Variants in TRPC5 observed in about 807,000 individuals in gnomAD.
TRPC5 encodes short transient receptor potential channel 5.
In TRPC5, 9 loss-of-function variants were observed where a neutral mutation model predicts 56.5. The ratio of observed to expected loss-of-function variants is 0.16; its 90% CI spans 0.10 to 0.28. The LOEUF is 0.28. TRPC5 is among the 10% of genes least tolerant of loss of function. TRPC5 has a pLI of 1.00. For missense variants in TRPC5, 469 were observed against 748.9 expected, an observed-to-expected ratio of 0.63 and a Z score of 4.36; for synonymous variants, 282 against 278.5, an observed-to-expected ratio of 1.01 and a Z score of -0.13.
intron 1 of TRPC5, among the ~76,000 whole-genome samples, chrX:112,034,488 G>T (rs2147721585): frequency 9.1e-6 from 1 of 109,559 alleles, no homozygotes. Flanking sequence ...GTTGATTTTT[G>T]TTCTGAAACT....
chrX:111,875,562 T>A (rs923802135), intron 3 of TRPC5, among the ~76,000 whole-genome samples: 8 of 103,076 alleles, frequency 7.8e-5, no homozygotes, highest in Non-Finnish European at 1.3e-4. Flanking sequence ...GATGTTTTTC[T>A]TTTTTCTTTC....
At chrX:112,066,306 T>C (rs1326844452) in intron 1 of TRPC5, among the ~76,000 whole-genome samples, 1 of 111,264 alleles carries the variant, frequency 9.0e-6, no homozygotes, top group Non-Finnish European at 1.9e-5. Flanking sequence ...CATTGAATAC[T>C]CATGAAATCT....
At chrX:111,990,998 C>T (rs1028160778) in intron 1 of TRPC5, among the ~76,000 whole-genome samples, 14 of 112,270 alleles carry the variant, frequency 1.2e-4, no homozygotes, top group Admixed American at 1.2e-3. Flanking sequence ...AAGACCCAGA[C>T]ATCCGATTGC....
intron 2 of TRPC5, among the ~76,000 whole-genome samples, chrX:111,937,939 T>C (rs1355877894): frequency 2.1e-5 from 2 of 97,210 alleles, no homozygotes; most frequent in African/African-American, 7.6e-5. Flanking sequence ...CCTTGGGCAG[T>C]ATGGCCATTT....
chrX:111,837,255 C>T (rs1040778981), intron 6 of TRPC5, among the ~76,000 whole-genome samples: 9 of 110,856 alleles, frequency 8.1e-5, no homozygotes, highest in African/African-American at 2.6e-4. Context: ...TACAATGCAT[C>T]GCAGAACCAG....
chrX:111,792,470 TA>T (rs1946030250), intron 7 of TRPC5, among the ~76,000 whole-genome samples: 1 of 111,195 alleles, frequency 9.0e-6, no homozygotes, highest in Non-Finnish European at 1.9e-5. Flanking sequence ...CTTAAAATTT[TA>T]AAAAATTAAA....
At chrX:111,963,803 C>A (rs773122655) in intron 1 of TRPC5, among the ~76,000 whole-genome samples, 1 of 111,649 alleles carries the variant, frequency 9.0e-6, no homozygotes, top group South Asian at 3.8e-4. Context: ...GAAAGGACAT[C>A]CACACCAAAA....
chrX:112,080,787 C>T (rs1930945434), intron 1 of TRPC5, among the ~76,000 whole-genome samples: 1 of 111,810 alleles, frequency 8.9e-6, no homozygotes, highest in Non-Finnish European at 1.9e-5. Flanking sequence ...AAACCTATGA[C>T]ACCAACAATA....
chrX:111,964,826 A>G (rs990408372), intron 1 of TRPC5, among the ~76,000 whole-genome samples: 1 of 111,846 alleles, frequency 8.9e-6, no homozygotes, highest in Non-Finnish European at 1.9e-5. Flanking sequence ...TGAAGGAAGC[A>G]CTAAACATGG....
rs187869629 is a variant in TRPC5 at position 111,847,466 on chromosome X, G to C, written c.1378-30C>G. The C allele has an allele frequency of 1.2e-4, 135 of 1,152,734 alleles. No homozygotes were observed. In the East Asian group the frequency reaches 4.0e-3, roughly 34 times the overall value. The allele number at this position is 1,152,734 out of a possible 1,213,427, so 95.0% of individuals were successfully genotyped here. A position where few individuals can be genotyped will look rare whatever the true frequency, so the allele number is the denominator to read the frequency against. ...AAGAAACAACAAGTGCACAAGATGA[G>C]GGGTACAGTGAACATTTATAAAACT... On this transcript the variant is annotated intron_variant, in intron 5 of 10. Transcript: ENST00000262839.
chrX:111,940,187 T>C (rs181597296), intron 2 of TRPC5, among the ~76,000 whole-genome samples: 15 of 111,512 alleles, frequency 1.3e-4, no homozygotes, highest in African/African-American at 3.9e-4. Context: ...TTCAGGAGCA[T>C]ATTGTTTACT....
chrX:111,935,555 C>T (rs1926546118), intron 2 of TRPC5, among the ~76,000 whole-genome samples: 1 of 111,767 alleles, frequency 8.9e-6, no homozygotes, highest in South Asian at 3.8e-4. Flanking sequence ...AGACCAATGT[C>T]TTGAAGAGTT....
chrX:111,933,684 T>C (rs1926483855), intron 2 of TRPC5, among the ~76,000 whole-genome samples: 1 of 111,547 alleles, frequency 9.0e-6, no homozygotes, highest in Non-Finnish European at 1.9e-5. Context: ...CCTTGGTCCG[T>C]GTTAGATCAA....
chrX:111,920,294 T>A (rs927393991), intron 2 of TRPC5, among the ~76,000 whole-genome samples: 14 of 108,866 alleles, frequency 1.3e-4, no homozygotes, highest in African/African-American at 4.5e-4. Flanking sequence ...ACAAAAAAAA[T>A]GTATCTTAAT....
chrX:111,839,161 T>C (rs7053406), intron 6 of TRPC5, among the ~76,000 whole-genome samples: 21,440 of 111,114 alleles, frequency 0.19, 4,941 homozygotes, highest in African/African-American at 0.66. Context: ...TACCCTCACC[T>C]TGCCCCAACC....
chrX:112,008,388 G>A (rs374788387), intron 1 of TRPC5, among the ~76,000 whole-genome samples: 2 of 111,071 alleles, frequency 1.8e-5, no homozygotes, highest in African/African-American at 6.5e-5. Flanking sequence ...TCAGGAGATC[G>A]AGACCATCCT....
intron 1 of TRPC5, among the ~76,000 whole-genome samples, chrX:111,955,864 A>G (rs973714102): frequency 5.3e-5 from 6 of 112,351 alleles, no homozygotes; most frequent in Admixed American, 9.4e-5. Context: ...CCATTAACCA[A>G]AGCTAAGCCT....
chrX:111,783,802 TC>T (rs1945939087), intron 7 of TRPC5, among the ~76,000 whole-genome samples: 1 of 111,404 alleles, frequency 9.0e-6, no homozygotes, highest in Non-Finnish European at 1.9e-5. Context: ...ATCCATTTTT[TC>T]ATAGATTGTG....
chrX:111,834,826 G>T, intron 7 of TRPC5, 95 bp downstream of exon 7: 1 of 643,742 alleles, frequency 1.6e-6, no homozygotes, highest in Non-Finnish European at 2.4e-6. Flanking sequence ...AATTGAGGCA[G>T]ACGAACTCTT....
Sources: allele counts gnomAD v4.1 joint callset (sites outside exome capture counted in the v4.1 genomes callset), GRCh38; gene constraint gnomAD v4.1.1; transcripts MANE v1.5; gene names NCBI Gene and HGNC (gene_info 2026-07-23, HGNC 2026-07-21).